Variants in HIVEP3 observed in about 807,000 individuals in gnomAD.
HIVEP3 encodes the protein HIVEP zinc finger 3.
HIVEP3 carries 49 observed loss-of-function variants against 152.8 expected under a neutral mutation model. That is an observed-to-expected ratio of 0.32 (90% CI 0.26 to 0.41). HIVEP3 has a LOEUF of 0.41. Among genes scored for constraint, HIVEP3 ranks in the 10% least tolerant of loss-of-function variants. HIVEP3 has a pLI of 1.00. For synonymous variants in HIVEP3, 1,269 were observed against 1,289.0 expected (o/e 0.98, Z 0.33); for missense variants, 2,790 against 3,103.3 (o/e 0.90, Z 2.40).
intron 1 of HIVEP3, among the ~76,000 whole-genome samples, chr1:41,944,966 C>A (rs1002014609): frequency 2.6e-5 from 4 of 152,096 alleles, no homozygotes; most frequent in African/African-American, 9.7e-5. Context: ...TGCCTGGCCA[C>A]AATATCCTCT....
chr1:41,629,218 C>A (rs1216392781), intron 2 of HIVEP3, among the ~76,000 whole-genome samples: 1 of 152,102 alleles, frequency 6.6e-6, no homozygotes, highest in African/African-American at 2.4e-5. Flanking sequence ...CTGCAAAGCC[C>A]CCAGGACTGT....
intron 1 of HIVEP3, among the ~76,000 whole-genome samples, chr1:41,798,748 A>G (rs1650128043): frequency 6.6e-6 from 1 of 152,300 alleles, no homozygotes; most frequent in South Asian, 2.1e-4. Context: ...GGTCCATTCA[A>G]TAAATGTTTA....
chr1:41,906,935 C>A (rs1261858486), intron 1 of HIVEP3, among the ~76,000 whole-genome samples: 1 of 151,254 alleles, frequency 6.6e-6, no homozygotes, highest in Non-Finnish European at 1.5e-5. Context: ...GGCCCCTGAG[C>A]TGCAAGTGTT....
At chr1:41,710,583 C>T (rs965842852) in intron 1 of HIVEP3, among the ~76,000 whole-genome samples, 10 of 152,184 alleles carry the variant, frequency 6.6e-5, no homozygotes, top group African/African-American at 1.7e-4. Context: ...CAGTCCTACT[C>T]CTTGCTCTCA....
At chr1:41,745,045 C>T (rs1008630973) in intron 1 of HIVEP3, among the ~76,000 whole-genome samples, 3 of 152,330 alleles carry the variant, frequency 2.0e-5, no homozygotes, top group South Asian at 4.1e-4. Context: ...AAGCTCCAGC[C>T]AGAACCTGGG....
chr1:41,904,869 A>C (rs1267655924), intron 1 of HIVEP3, among the ~76,000 whole-genome samples: 1 of 152,182 alleles, frequency 6.6e-6, no homozygotes, highest in Non-Finnish European at 1.5e-5. Context: ...CTAATAAGAG[A>C]GCTGCCATCC....
At chr1:41,958,298 G>C (rs769586941) in intron 1 of HIVEP3, among the ~76,000 whole-genome samples, 2 of 152,210 alleles carry the variant, frequency 1.3e-5, no homozygotes, top group Non-Finnish European at 1.5e-5. Flanking sequence ...TGCAGACCCT[G>C]AGGGTTCAGG....
In HIVEP3 at chr1:41,873,366, T is replaced by A. The variant is rs1302994203; in HGVS notation, c.-801+45047A>T. ...TGCACTCAGCTGGCCCAGGCACCGATAACCTAGCATGTCCTTTTAGAATTT... is the reference window on the plus strand; with the variant it reads ...TGCACTCAGCTGGCCCAGGCACCGAAAACCTAGCATGTCCTTTTAGAATTT... On this transcript the variant is annotated intron_variant, in intron 1 of 8. Transcript: ENST00000372583. The surrounding 1 kb of genome is among the most constrained non-coding windows in gnomAD (Gnocchi z 4.2). Among the ~76,000 whole-genome samples the A allele has an allele frequency of 1.3e-5, 2 of 152,222 alleles. No individual in the cohort carries two copies. The highest frequency in any genetic ancestry group is 2.9e-5 in the Non-Finnish European group (2 of 68,042).
At chr1:41,750,596 T>C (rs1481204511) in intron 1 of HIVEP3, among the ~76,000 whole-genome samples, 1 of 152,194 alleles carries the variant, frequency 6.6e-6, no homozygotes, top group East Asian at 1.9e-4. Context: ...CTCATATTCA[T>C]TAGCTTGTAG....
At chr1:41,897,944 A>G (rs939815380) in intron 1 of HIVEP3, among the ~76,000 whole-genome samples, 1 of 104,232 alleles carries the variant, frequency 9.6e-6, no homozygotes, top group East Asian at 6.0e-4. Context: ...AGAGGGAGAG[A>G]GAGAGAGAGA....
At chr1:41,872,137 G>A (rs1644091692) in intron 1 of HIVEP3, among the ~76,000 whole-genome samples, 1 of 152,160 alleles carries the variant, frequency 6.6e-6, no homozygotes, top group Admixed American at 6.5e-5. Context: ...TAAATTTAAA[G>A]GAGTTTAATT....
chr1:41,535,460 T>C (rs1643374031), intron 5 of HIVEP3: 3 of 152,234 alleles, frequency 2.0e-5, no homozygotes, highest in Admixed American at 6.5e-5. Context: ...GGCTGCCCTT[T>C]ATCAGGGGAG....
Position 41,579,756 on chromosome 1 carries a change from C to G in HIVEP3, c.5042G>C (p.Arg1681Pro). Reference sequence around the variant, plus strand: ...ACTTACCTCTGTCATGCGGGGCTTGCGGGAGCTGGATGGCACAAGCCTTCC... The same window carrying G: ...ACTTACCTCTGTCATGCGGGGCTTGGGGGAGCTGGATGGCACAAGCCTTCC... ...EAGRLVPSSSRKPRMTEVHLP... is the reference protein window; with the variant it reads ...EAGRLVPSSSPKPRMTEVHLP... Residue 1681 changes from arginine to proline, a missense_variant, in exon 4 of 9, where the codon CGC becomes CCC. Physicochemically the swap from Arg to Pro is moderately radical, Grantham distance 103. Transcript: ENST00000372583. 1 of 1,584,158 alleles carries G rather than the reference C, an allele frequency of 6.3e-7. No homozygotes were observed. The highest frequency in any genetic ancestry group is 8.6e-7 in the Non-Finnish European group (1 of 1,160,368).
chr1:41,911,118 A>G (rs6600392), intron 1 of HIVEP3, among the ~76,000 whole-genome samples: 3,450 of 152,236 alleles, frequency 0.023, 126 homozygotes, highest in African/African-American at 0.079. Context: ...ACAGAGAAAT[A>G]GTCTCCTGCA....
intron 1 of HIVEP3, among the ~76,000 whole-genome samples, chr1:41,915,794 A>T (rs1003448282): frequency 2.0e-5 from 3 of 152,222 alleles, no homozygotes; most frequent in Non-Finnish European, 4.4e-5. Context: ...ACAGATAAGG[A>T]AGAAAATTGG....
chr1:41,586,268 G>A (rs990437468), intron 3 of HIVEP3, among the ~76,000 whole-genome samples: 9 of 152,212 alleles, frequency 5.9e-5, no homozygotes, highest in African/African-American at 2.2e-4. Flanking sequence ...CCTGGGCTCA[G>A]GTGCATCCTC....
chr1:41,651,752 T>C (rs1645552972), intron 2 of HIVEP3, among the ~76,000 whole-genome samples: 1 of 152,258 alleles, frequency 6.6e-6, no homozygotes, highest in African/African-American at 2.4e-5. Context: ...CCCTTGCCAG[T>C]ACTAGATCTT....
chr1:41,663,642 C>A (rs1355657353), intron 2 of HIVEP3, among the ~76,000 whole-genome samples: 1 of 152,204 alleles, frequency 6.6e-6, no homozygotes, highest in African/African-American at 2.4e-5. Flanking sequence ...CCCAGACCCC[C>A]AGCTTTAATG....
chr1:41,510,838 C>A lies in HIVEP3; in HGVS notation c.6834G>T (p.Arg2278Ser). 2 of 1,613,154 alleles carry A rather than the reference C, an allele frequency of 1.2e-6. No homozygotes were observed. The highest frequency in any genetic ancestry group is 1.3e-5 in the African/African-American group (1 of 75,050). ...ELEGGDYPKE[R>S]ERTGGGPGRP... The stretch of plus-strand genomic sequence containing the variant: ...TGCCCGGGCCTCCGCCGGTCCTCTC[C>A]CTCTCCTTGGGGTAGTCCCCGCCCT... Residue 2278 changes from arginine to serine, a missense_variant, in exon 9 of 9, where the codon AGG (arginine) becomes AGT (serine). Arg to Ser is a moderately radical substitution (Grantham distance 110). This residue lies in a region of HIVEP3 where 816 missense variants were observed against 806.5 expected (regional missense o/e 1.01). Coordinates refer to ENST00000372583, the MANE Select transcript of HIVEP3 (RefSeq NM_024503.5).
Sources: gnomAD v4.1 joint callset for allele counts (sites outside exome capture counted in the v4.1 genomes callset) on GRCh38, gnomAD v4.1.1 for gene constraint, gnomAD v4.1.1 regional missense constraint, Gnocchi (gnomAD v3.1) non-coding constraint, MANE v1.5 for transcripts, NCBI Gene and HGNC (gene_info 2026-07-23, HGNC 2026-07-21) for gene names.